ZNF462: variants seen among roughly 807,000 people sequenced by gnomAD.
ZNF462 encodes zinc finger PBX1-interacting protein.
A neutral mutation model predicts 201.9 loss-of-function variants in ZNF462; 10 were observed. The ratio of observed to expected loss-of-function variants is 0.05; its 90% CI spans 0.03 to 0.08. ZNF462 has a LOEUF of 0.08. Ranked by LOEUF, ZNF462 falls within the 10% of genes least tolerant of loss-of-function variation. ZNF462 has a pLI of 1.00. For synonymous variants in ZNF462, 1,227 were observed against 1,193.3 expected, an observed-to-expected ratio of 1.03 and a Z score of -0.58; for missense variants, 2,523 against 3,168.3, an observed-to-expected ratio of 0.80 and a Z score of 4.89.
intron 7 of ZNF462, among the ~76,000 whole-genome samples, chr9:106,940,924 A>G (rs1161847150): frequency 9.2e-5 from 14 of 152,134 alleles, no homozygotes; most frequent in Admixed American, 8.5e-4. Context: ...AAATTGTAGG[A>G]TCTGTATTAA....
At chr9:106,867,365 T>C (rs1827382015) in intron 1 of ZNF462, among the ~76,000 whole-genome samples, 1 of 152,176 alleles carries the variant, frequency 6.6e-6, no homozygotes. Context: ...TATGCAAATT[T>C]TTTGCCATGG....
chr9:106,972,473 A>T lies in ZNF462; in HGVS notation c.6695+201A>T, dbSNP rs1206169793. Among the ~76,000 whole-genome samples, 1 of 152,180 alleles carries T rather than the reference A, an allele frequency of 6.6e-6. No homozygotes were observed. The highest frequency in any genetic ancestry group is 2.4e-5 in the African/African-American group (1 of 41,434). On this transcript the variant is annotated intron_variant, in intron 8 of 12. Coordinates refer to ENST00000277225, the MANE Select transcript of ZNF462 (RefSeq NM_021224.6). This position sits in a 1 kb window ranked among gnomAD's most constrained non-coding sequence, Gnocchi z 4.8. ...GGGATTTGGGAAGGGATGAAGAGCT[A>T]TATCAGAACAAATGAGTTTTAAAAT...
In ZNF462 at chr9:107,013,518, A is replaced by C. The variant is rs368197599; in HGVS notation, c.*2488A>C. The C allele has an allele frequency of 1.1e-4, 16 of 152,326 alleles. No homozygotes were observed. In the East Asian group the frequency reaches 3.1e-3, roughly 29 times the overall value. 9.4% of individuals were successfully genotyped at this position (152,326 alleles called of 1,614,324 possible). On this transcript the variant is annotated 3_prime_UTR_variant, in exon 13 of 13. Transcript: ENST00000277225. ...AGGGAGACCCTGAGTCCTTGAAGCC[A>C]AGGGTTTAAAAACAAAACAAAAACA...
chr9:106,979,859 G>A (rs1827289734), intron 9 of ZNF462, among the ~76,000 whole-genome samples: 1 of 152,070 alleles, frequency 6.6e-6, no homozygotes, highest in African/African-American at 2.4e-5. Context: ...TGTAATTTTG[G>A]AACCATGTAA....
chr9:106,861,304 A>C (rs1827059866), upstream of ZNF462, among the ~76,000 whole-genome samples: 1 of 151,512 alleles, frequency 6.6e-6, no homozygotes, highest in Admixed American at 6.6e-5. Context: ...ATGGGAACCA[A>C]CTCCGCGCGC....
chr9:106,893,114 C>A (rs574107619), intron 1 of ZNF462, among the ~76,000 whole-genome samples: 5 of 152,324 alleles, frequency 3.3e-5, no homozygotes, highest in Admixed American at 2.6e-4. Flanking sequence ...AGAAATCAGA[C>A]CATGGCTTTC....
In ZNF462 at chr9:106,935,903, T is replaced by G. The variant is rs1830611426; in HGVS notation, c.6235+282T>G. The stretch of plus-strand genomic sequence containing the variant: ...AGTTAGAATTAGACTGTTGGTGATT[T>G]TTACAGAAATTTCTAAACTGCCTAT... On this transcript the variant is annotated intron_variant, in intron 6 of 12. Transcript: ENST00000277225. This position sits in a 1 kb window ranked among gnomAD's most constrained non-coding sequence, Gnocchi z 4.1. 1.3e-5 allele frequency among the ~76,000 whole-genome samples: 2 copies of G among 152,216 alleles called. No homozygotes were observed. The highest frequency in any genetic ancestry group is 4.8e-5 in the African/African-American group (2 of 41,448).
At chr9:106,892,949 A>G (rs1234222349) in intron 1 of ZNF462, among the ~76,000 whole-genome samples, 1 of 152,100 alleles carries the variant, frequency 6.6e-6, no homozygotes, top group Non-Finnish European at 1.5e-5. Context: ...CCAGTTACTG[A>G]CTTTGGAACT....
intron 1 of ZNF462, among the ~76,000 whole-genome samples, chr9:106,863,893 G>GA (rs1450384714): frequency 2.6e-5 from 4 of 152,044 alleles, no homozygotes; most frequent in Non-Finnish European, 5.9e-5. Context: ...AGAGGAGGGA[G>GA]AGCTCCGTGC....
rs779334204 is a variant in ZNF462, at chr9:106,930,491, C to T, written c.5848-34C>T. 7 of 1,608,516 alleles carry T rather than the reference C, an allele frequency of 4.4e-6. No individual in the cohort carries two copies. The highest frequency in any genetic ancestry group is 6.0e-6 in the Non-Finnish European group (7 of 1,175,638). On this transcript the variant is annotated intron_variant, in intron 3 of 12. Transcript: ENST00000277225. This position sits in a 1 kb window ranked among gnomAD's most constrained non-coding sequence, Gnocchi z 5.8. ...AAATTCTGACAATTGAGGGAGGGCT[C>T]GGAGTACTGATGGCTACCACTGTAT...
At chr9:106,957,960 A>G (rs1831655280) in intron 7 of ZNF462, among the ~76,000 whole-genome samples, 1 of 152,110 alleles carries the variant, frequency 6.6e-6, no homozygotes, top group African/African-American at 2.4e-5. Context: ...TTTCCTTCCC[A>G]TAGGTAGAGC....
chr9:106,887,798 A>T (rs952970864), intron 1 of ZNF462, among the ~76,000 whole-genome samples: 11 of 152,232 alleles, frequency 7.2e-5, no homozygotes, highest in African/African-American at 2.7e-4. Flanking sequence ...ACTGTGATTA[A>T]AAAGGACTTT....
intron 4 of ZNF462, among the ~76,000 whole-genome samples, chr9:106,931,431 G>A (rs1588077306): frequency 1.3e-5 from 2 of 152,182 alleles, no homozygotes; most frequent in East Asian, 3.9e-4. Context: ...TTTCTCTAAG[G>A]GTACACGCGA....
intron 1 of ZNF462, among the ~76,000 whole-genome samples, chr9:106,889,868 A>T (rs550855231): frequency 6.6e-6 from 1 of 152,308 alleles, no homozygotes; most frequent in African/African-American, 2.4e-5. Context: ...GCTGACGATC[A>T]ACTCCCCCAA....
chr9:106,990,257 G>A (rs114455981), intron 10 of ZNF462, among the ~76,000 whole-genome samples: 3,299 of 151,720 alleles, frequency 0.022, 112 homozygotes, highest in African/African-American at 0.075. Context: ...GTTGATTTCC[G>A]GTTTTATTCC....
chr9:106,882,167 A>G (rs1037493985), intron 1 of ZNF462, among the ~76,000 whole-genome samples: 1 of 152,150 alleles, frequency 6.6e-6, no homozygotes, highest in African/African-American at 2.4e-5. Context: ...TTGAAGGCCA[A>G]CCACTGATTT....
chr9:106,997,385 G>T (rs1421899651), intron 10 of ZNF462, among the ~76,000 whole-genome samples: 1 of 152,086 alleles, frequency 6.6e-6, no homozygotes, highest in Non-Finnish European at 1.5e-5. Flanking sequence ...CATGTTCCCT[G>T]CAACAGTATT....
At position 107,003,317 on chromosome 9, in the gene ZNF462, T is replaced by G. The variant is rs1829330950; in HGVS notation, c.7080T>G (p.Val2360=). 6.2e-7 allele frequency: 1 copy of G among 1,613,692 alleles called. No homozygotes were observed. Among genetic ancestry groups the G allele is most frequent in the African/African-American group, 1.3e-5 (1 of 74,886 alleles). Residue 2360 remains valine, a synonymous_variant, in exon 11 of 13, where the codon GTT becomes GTG. Coordinates refer to ENST00000277225, the MANE Select transcript of ZNF462 (RefSeq NM_021224.6). The surrounding 1 kb of genome is among the most constrained non-coding windows in gnomAD (Gnocchi z 4.4). The part of the protein sequence containing the change: ...EHKVSRNFEL[V]GRVNLDQLEQ... ...AGGTAAGCCGTAACTTTGAGCTGGT[T>G]GGACGGGTTAACTTGGATCAGCTGG...
In ZNF462 at chr9:106,909,194, C is replaced by T. The variant is rs190723614; in HGVS notation, c.-30-14160C>T. On this transcript the variant is annotated intron_variant, in intron 1 of 12. Transcript: ENST00000277225. ...GCCAGACTGGTCTTGAACTCCTGAC[C>T]TCAAATGATCCACTTGCTTCTGCAT... Among the ~76,000 whole-genome samples the T allele has an allele frequency of 2.0e-5, 3 of 151,486 alleles. No homozygotes were observed. In the East Asian group the frequency reaches 5.8e-4, roughly 29 times the overall value.
Sources: gnomAD v4.1 joint callset for allele counts (sites outside exome capture counted in the v4.1 genomes callset) on GRCh38, gnomAD v4.1.1 for gene constraint, Gnocchi (gnomAD v3.1) non-coding constraint, MANE v1.5 for transcripts, NCBI Gene and HGNC (gene_info 2026-07-23, HGNC 2026-07-21) for gene names.